DHX57: variants seen among roughly 807,000 people sequenced by gnomAD.
DHX57 encodes the protein putative ATP-dependent RNA helicase DHX57.
DHX57 carries 105 observed loss-of-function variants against 156.2 expected under a neutral mutation model. The ratio of observed to expected loss-of-function variants is 0.67; its 90% confidence interval spans 0.57 to 0.79. The LOEUF (loss-of-function observed/expected upper bound fraction) is 0.79. Among genes scored for constraint, DHX57 ranks in the 30% least tolerant of loss-of-function variants. The probability of loss-of-function intolerance (pLI) is 0.00; values close to 1 mark genes in which losing one functional copy is unlikely to be tolerated. For synonymous variants in DHX57, 704 were observed against 595.6 expected (o/e 1.18, Z -2.65); for missense variants, 1,847 against 1,661.9 (o/e 1.11, Z -1.94).
At chr2:38,830,313 TC>T (rs1671314607) in intron 13 of DHX57, among the ~76,000 whole-genome samples, 1 of 152,132 alleles carries the variant, frequency 6.6e-6, no homozygotes, top group African/African-American at 2.4e-5. Context: ...TCCCATTTAA[TC>T]CTCATAGCCA....
chr2:38,851,492 T>C lies in DHX57; in HGVS notation c.2030+2562A>G, dbSNP rs1212478709. Among the ~76,000 whole-genome samples the C allele has an allele frequency of 3.9e-5, 6 of 152,222 alleles. No homozygotes were observed. In the East Asian group the frequency reaches 1.2e-3, roughly 29 times the overall value. On this transcript the variant is annotated intron_variant, in intron 9 of 23. Coordinates refer to ENST00000457308, the MANE Select transcript of DHX57 (RefSeq NM_198963.3). ...TAGCAAATATTCCCCTACTTTTCCT[T>C]GTAATTTGTATACCCTTTCTTGTAA...
At chr2:38,862,604 T>C in intron 3 of DHX57, 1 of 246,412 alleles carries the variant, frequency 4.1e-6, no homozygotes, top group Non-Finnish European at 7.6e-6. Flanking sequence ...GTCCTTTTTT[T>C]TTTTTTTTTC....
chr2:38,799,232 G>A (rs1028491467), intron 23 of DHX57, among the ~76,000 whole-genome samples: 1 of 151,366 alleles, frequency 6.6e-6, no homozygotes, highest in African/African-American at 2.4e-5. Context: ...CTGGGATGGT[G>A]GTGCATGCCT....
At chr2:38,809,844 G>A (rs995026826) in intron 21 of DHX57, among the ~76,000 whole-genome samples, 16 of 152,052 alleles carry the variant, frequency 1.1e-4, no homozygotes, top group Non-Finnish European at 2.2e-4. Flanking sequence ...GTTCAGTCAT[G>A]TCCTTTGCCC....
At chr2:38,820,859 G>T (rs899455376) in intron 17 of DHX57, among the ~76,000 whole-genome samples, 3 of 131,954 alleles carry the variant, frequency 2.3e-5, no homozygotes, top group East Asian at 2.3e-4. Context: ...AGTAAAAAAA[G>T]ATTTTTTTTA....
chr2:38,811,266 G>T, intron 21 of DHX57: 1 of 516,572 alleles, frequency 1.9e-6, no homozygotes, highest in Non-Finnish European at 3.8e-6. Flanking sequence ...TTAATCTGGG[G>T]GGCCAGCGAG....
intron 13 of DHX57, among the ~76,000 whole-genome samples, chr2:38,833,358 G>A (rs1671479503): frequency 6.6e-6 from 1 of 152,002 alleles, no homozygotes. Flanking sequence ...GGCCAGGCTG[G>A]TCTCGAACTC....
Position 38,861,565 on chromosome 2 carries a change from G to C in DHX57, c.845C>G (p.Thr282Arg). 6.2e-7 allele frequency: 1 copy of C among 1,614,138 alleles called. No homozygotes were observed. Among genetic ancestry groups the C allele is most frequent in the Non-Finnish European group, 8.5e-7 (1 of 1,180,024 alleles). Residue 282 changes from threonine to arginine, a missense_variant, in exon 5 of 24, where the codon ACA (threonine) becomes AGA (arginine). Coordinates refer to ENST00000457308, the MANE Select transcript of DHX57 (RefSeq NM_198963.3). ...WTIGLELEYL[T>R]SRFRKSKPKE... ...TGGCTTGGATTTGCGGAATCTACTT[G>C]TCAGATACTCCAGTTCTAACCCAAT...
At position 38,826,055 on chromosome 2, in the gene DHX57, G is replaced by C. The variant is rs78718179; in HGVS notation, c.2814-8C>G. On this transcript the variant is annotated splice_polypyrimidine_tract_variant and splice_region_variant and intron_variant, in intron 15 of 23. Transcript: ENST00000457308. ...CCTTTGCTGGCATCATATCTATAAA[G>C]AAAAAGAAAATATAAATTGAGTCAT... 6.3e-4 allele frequency: 1,011 copies of C among 1,610,792 alleles called. 10 individuals carry two copies. In the East Asian group the frequency reaches 0.011, roughly 18 times the overall value.
Position 38,818,946 on chromosome 2 carries a change from A to G in DHX57, c.3402T>C (p.Ser1134=). ...AACTTGCACGCACGCCTTCTTTTGT[A>G]CTTAGCTGCCATCCCTAAATTTTGG... is the stretch of plus-strand genomic sequence containing the variant. The part of the protein sequence containing the change: ...LLQAYKGWQL[S]TKEGVRASYN... Residue 1134 remains serine (S), a synonymous_variant, in exon 19 of 24, where the codon AGT becomes AGC. Coordinates refer to ENST00000457308, the MANE Select transcript of DHX57 (RefSeq NM_198963.3). 1 of 1,614,174 alleles carries G rather than the reference A, an allele frequency of 6.2e-7. No homozygotes were observed. The highest frequency in any genetic ancestry group is 1.1e-5 in the South Asian group (1 of 91,076).
At chr2:38,860,317 CG>C (rs1673128637) in intron 5 of DHX57, among the ~76,000 whole-genome samples, 1 of 152,110 alleles carries the variant, frequency 6.6e-6, no homozygotes, top group African/African-American at 2.4e-5. Flanking sequence ...GGCGTGGTGG[CG>C]GGTGCCTGTA....
chr2:38,818,516 A>G (rs1470160337), intron 19 of DHX57, among the ~76,000 whole-genome samples: 1 of 152,194 alleles, frequency 6.6e-6, no homozygotes, highest in Non-Finnish European at 1.5e-5. Context: ...AGACAGAATG[A>G]GACTCTGTCA....
At chr2:38,798,511 C>T in intron 23 of DHX57, 69 bp from the exon 24 acceptor site, 2 of 1,482,822 alleles carry the variant, frequency 1.3e-6, no homozygotes, top group East Asian at 2.3e-5. Context: ...GAGGGAAATA[C>T]CCAAGTTATG....
In DHX57 at chr2:38,858,705, G is replaced by A. The variant is rs542701551; in HGVS notation, c.1543C>T (p.His515Tyr). The A allele has an allele frequency of 1.2e-4, 195 of 1,613,904 alleles. 2 individuals carry two copies. The South Asian group carries it at 2.0e-3, about 17-fold the overall frequency. ...TTGCAGATTTTACCATTTTCAGCAT[G>A]TACTGACTTTGCCTGCCAGTCATAT... is the stretch of plus-strand genomic sequence containing the variant. The part of the protein sequence containing the change: ...KRYDWQAKSV[H>Y]AENGKICKQF... The change falls in exon 6 of 24, where the codon CAT (histidine) becomes TAT (tyrosine). Residue 515 changes from histidine (H) to tyrosine (Y), a missense_variant. Physicochemically the swap from His to Tyr is moderately conservative, Grantham distance 83. Coordinates refer to ENST00000457308, the MANE Select transcript of DHX57 (RefSeq NM_198963.3).
At chr2:38,831,106 G>A (rs1671356547) in intron 13 of DHX57, among the ~76,000 whole-genome samples, 1 of 150,530 alleles carries the variant, frequency 6.6e-6, no homozygotes, top group African/African-American at 2.4e-5. Context: ...TAAAAGATAA[G>A]CAAAAAGAAA....
chr2:38,842,410 T>C (rs538203237), intron 12 of DHX57, among the ~76,000 whole-genome samples: 1 of 152,312 alleles, frequency 6.6e-6, no homozygotes, highest in South Asian at 2.1e-4. Context: ...AGCCTGAGTA[T>C]GGACTGTGAA....
chr2:38,844,739 T>A (rs1672179414), intron 11 of DHX57, among the ~76,000 whole-genome samples: 1 of 151,316 alleles, frequency 6.6e-6, no homozygotes, highest in Admixed American at 6.6e-5. Context: ...GCATTCAAGT[T>A]GGGTGTTAAA....
At chr2:38,809,164 G>A (rs537095041) in intron 21 of DHX57, among the ~76,000 whole-genome samples, 71 of 152,148 alleles carry the variant, frequency 4.7e-4, no homozygotes, top group African/African-American at 1.6e-3. Context: ...CTGTCACCCC[G>A]GCTGTAGTGT....
intron 17 of DHX57, among the ~76,000 whole-genome samples, chr2:38,820,932 C>T (rs1670780726): frequency 1.3e-5 from 2 of 150,274 alleles, no homozygotes; most frequent in Non-Finnish European, 2.9e-5. Context: ...ATCCTTTCTT[C>T]TCAAGTATAC....
Sources: allele counts gnomAD v4.1 joint callset (sites outside exome capture counted in the v4.1 genomes callset), GRCh38; gene constraint gnomAD v4.1.1; transcripts MANE v1.5; gene names NCBI Gene and HGNC (gene_info 2026-07-23, HGNC 2026-07-21).